Variants in PTPRT observed in about 807,000 individuals in gnomAD.
PTPRT encodes the protein receptor-type tyrosine-protein phosphatase T.
In PTPRT, 56 loss-of-function variants were observed where a neutral mutation model predicts 176.8. The observed-to-expected ratio is 0.32, with a 90% confidence interval of 0.26 to 0.40. The LOEUF (loss-of-function observed/expected upper bound fraction) is 0.40, where lower values mean the gene tolerates loss of function less well. PTPRT is among the 10% of genes least tolerant of loss of function. PTPRT has a pLI of 1.00. For missense variants in PTPRT, 1,540 were observed against 1,908.2 expected (o/e 0.81, Z 3.60); for synonymous variants, 783 against 739.0 (o/e 1.06, Z -0.96).
At chr20:43,146,323 A>G (rs1203145023) in intron 1 of PTPRT, among the ~76,000 whole-genome samples, 1 of 152,260 alleles carries the variant, frequency 6.6e-6, no homozygotes, top group South Asian at 2.1e-4. Flanking sequence ...ACTGAAATTT[A>G]GCAAGGCAGG....
chr20:42,950,483 G>A (rs138359868), intron 1 of PTPRT, among the ~76,000 whole-genome samples: 2 of 151,984 alleles, frequency 1.3e-5, no homozygotes, highest in Non-Finnish European at 2.9e-5. Flanking sequence ...TGTTAACTAC[G>A]ACCATGGGCA....
rs866743138 is a variant in PTPRT at position 42,197,009 on chromosome 20, T to C, written c.2491+2231A>G. On this transcript the variant is annotated intron_variant, in intron 16 of 30. Coordinates refer to ENST00000373187, the MANE Select transcript of PTPRT (RefSeq NM_007050.6). ...CATATTTTTGCCAAAATGTGTAACC[T>C]GAATGTTATCATGATGAAAAAAATT... Among the ~76,000 whole-genome samples the C allele has an allele frequency of 2.6e-5, 4 of 152,186 alleles. No homozygotes were observed. In the Middle Eastern group the frequency reaches 0.01, roughly 388 times the overall value.
intron 7 of PTPRT, among the ~76,000 whole-genome samples, chr20:42,551,184 G>T (rs183077737): frequency 6.6e-6 from 1 of 152,040 alleles, no homozygotes; most frequent in East Asian, 1.9e-4. Flanking sequence ...ATGTTTTATG[G>T]ATTTATGCAT....
intron 8 of PTPRT, among the ~76,000 whole-genome samples, chr20:42,470,825 A>G (rs1273076914): frequency 6.6e-6 from 1 of 151,926 alleles, no homozygotes; most frequent in East Asian, 1.9e-4. Flanking sequence ...GAGGCAGGAA[A>G]AGTTATGTGT....
At chr20:42,426,557 A>C (rs2059166027) in intron 9 of PTPRT, among the ~76,000 whole-genome samples, 1 of 152,178 alleles carries the variant, frequency 6.6e-6, no homozygotes, top group Non-Finnish European at 1.5e-5. Context: ...TACTAAGAGG[A>C]CACTGAATTG....
intron 9 of PTPRT, among the ~76,000 whole-genome samples, chr20:42,413,334 T>C (rs117871388): frequency 2.0e-5 from 3 of 152,280 alleles, no homozygotes; most frequent in Non-Finnish European, 4.4e-5. Flanking sequence ...GGACATTCAG[T>C]TTTAGGAAAG....
At chr20:42,488,959 AAAAAG>A (rs1158290804) in intron 7 of PTPRT, among the ~76,000 whole-genome samples, 4 of 151,572 alleles carry the variant, frequency 2.6e-5, no homozygotes, top group Admixed American at 6.6e-5. Flanking sequence ...TCAAAAAAAA[AAAAAG>A]AAAGAGAGAA....
chr20:42,309,419 G>C (rs551116035), intron 12 of PTPRT, among the ~76,000 whole-genome samples: 48 of 152,232 alleles, frequency 3.2e-4, no homozygotes, highest in African/African-American at 1.1e-3. Context: ...GGAAATCAAG[G>C]CTGCCCAGGA....
At chr20:42,952,448 C>T (rs6016925) in intron 1 of PTPRT, among the ~76,000 whole-genome samples, 2,804 of 152,332 alleles carry the variant, frequency 0.018, 83 homozygotes, top group African/African-American at 0.064. Flanking sequence ...AGCAGGGACA[C>T]TGGAACAGCT....
chr20:42,070,132 T>C (rs760577179), downstream of PTPRT, among the ~76,000 whole-genome samples: 1 of 152,062 alleles, frequency 6.6e-6, no homozygotes, highest in Non-Finnish European at 1.5e-5. Context: ...TCTTTTCTCC[T>C]TGCCACCCCC....
At chr20:42,838,319 A>C (rs2078217749) in intron 2 of PTPRT, among the ~76,000 whole-genome samples, 1 of 152,192 alleles carries the variant, frequency 6.6e-6, no homozygotes, top group African/African-American at 2.4e-5. Flanking sequence ...CGCTCAGCCC[A>C]AAAACTGTTG....
chr20:42,506,606 T>C (rs2071849491), intron 7 of PTPRT, among the ~76,000 whole-genome samples: 1 of 152,172 alleles, frequency 6.6e-6, no homozygotes, highest in East Asian at 1.9e-4. Context: ...ATAATTTGTG[T>C]AATCCCTGAA....
At chr20:42,821,058 T>A (rs1433460153) in intron 2 of PTPRT, among the ~76,000 whole-genome samples, 1 of 152,210 alleles carries the variant, frequency 6.6e-6, no homozygotes, top group African/African-American at 2.4e-5. Context: ...CCCTAACTCA[T>A]TTTATGAAGC....
Position 42,583,456 on chromosome 20 carries a change from G to A in PTPRT, c.1153+94410C>T, listed in dbSNP as rs146454149. On this transcript the variant is annotated intron_variant, in intron 7 of 30. Coordinates refer to ENST00000373187, the MANE Select transcript of PTPRT (RefSeq NM_007050.6). Reference sequence around the variant, plus strand: ...TGTCTGGGGATCACTACGGACAGAGGATGATGACAGAGGGCCCATGACATT... The same window carrying A: ...TGTCTGGGGATCACTACGGACAGAGAATGATGACAGAGGGCCCATGACATT... Among the ~76,000 whole-genome samples, 1,299 of 152,326 alleles carry A rather than the reference G, an allele frequency of 8.5e-3. 5 individuals carry two copies. The highest frequency in any genetic ancestry group is 0.012 in the Non-Finnish European group (791 of 68,024).
At chr20:42,107,005 C>T in intron 23 of PTPRT, 84 bp from the exon 24 acceptor site, 5 of 1,514,854 alleles carry the variant, frequency 3.3e-6, no homozygotes, top group Middle Eastern at 1.8e-4. Flanking sequence ...GCCCTATCCC[C>T]AAGGGTCCTG....
intron 1 of PTPRT, among the ~76,000 whole-genome samples, chr20:43,129,456 C>T (rs1381641471): frequency 6.6e-6 from 1 of 152,066 alleles, no homozygotes; most frequent in Non-Finnish European, 1.5e-5. Context: ...GCCTGCCACA[C>T]CCTTTCTGAG....
chr20:42,653,907 G>C (rs1463316644), intron 7 of PTPRT, among the ~76,000 whole-genome samples: 2 of 152,144 alleles, frequency 1.3e-5, no homozygotes, highest in Non-Finnish European at 2.9e-5. Context: ...ACGAATTCTT[G>C]TTAGCTTCAA....
At chr20:43,089,388 A>G (rs1179254563) in intron 1 of PTPRT, among the ~76,000 whole-genome samples, 1 of 152,216 alleles carries the variant, frequency 6.6e-6, no homozygotes, top group Non-Finnish European at 1.5e-5. Context: ...ACATCCAACA[A>G]TGAGGCATTG....
chr20:42,594,062 T>C (rs920242354), intron 7 of PTPRT, among the ~76,000 whole-genome samples: 2 of 152,096 alleles, frequency 1.3e-5, no homozygotes, highest in African/African-American at 4.8e-5. Flanking sequence ...AGTGGGGAGC[T>C]GTCCTAGAGA....
Sources: allele counts gnomAD v4.1 joint callset (sites outside exome capture counted in the v4.1 genomes callset), GRCh38; gene constraint gnomAD v4.1.1; transcripts MANE v1.5; gene names NCBI Gene and HGNC (gene_info 2026-07-23, HGNC 2026-07-21).